The following C11orf65 variants were observed in gnomAD, a reference collection of about 807,000 sequenced individuals.
C11orf65 encodes protein MFI.
Under a neutral mutation model 35.3 loss-of-function variants are expected in C11orf65, and 38 were observed. The observed-to-expected ratio is 1.08, with a 90% CI of 0.83 to 1.41. C11orf65 has a LOEUF of 1.41. Ranked by LOEUF, C11orf65 falls within the 40% of genes most tolerant of loss-of-function variation. The pLI is 0.00. For synonymous variants in C11orf65, 105 were observed against 114.4 expected (o/e 0.92, Z 0.53); for missense variants, 370 against 367.1 (o/e 1.01, Z -0.06).
intron 3 of C11orf65, chr11:108,331,609 C>T (rs1425790126): frequency 6.9e-7 from 1 of 1,440,210 alleles, no homozygotes. Flanking sequence ...TCTATTATTA[C>T]TATATATTAT....
At chr11:108,389,800 T>C (rs2092104178) in intron 7 of C11orf65, among the ~76,000 whole-genome samples, 2 of 150,456 alleles carry the variant, frequency 1.3e-5, no homozygotes, top group Admixed American at 6.6e-5. Context: ...GTTCATGCCA[T>C]TCTCCTGCCT....
intron 2 of C11orf65, among the ~76,000 whole-genome samples, chr11:108,376,558 C>T (rs1398728198): frequency 1.3e-5 from 2 of 150,828 alleles, no homozygotes; most frequent in Non-Finnish European, 3.0e-5. Flanking sequence ...CCTAACATCA[C>T]AATTAAAAGA....
At chr11:108,313,138 T>C (rs1000288244) in intron 6 of C11orf65, among the ~76,000 whole-genome samples, 2 of 152,236 alleles carry the variant, frequency 1.3e-5, no homozygotes, top group Non-Finnish European at 2.9e-5. Context: ...TCCGTCATGT[T>C]ACAGAAACAG....
At chr11:108,387,136 TTTTCTTTC>T (rs1192514736) in intron 7 of C11orf65, among the ~76,000 whole-genome samples, 2 of 139,496 alleles carry the variant, frequency 1.4e-5, no homozygotes, top group East Asian at 2.0e-4. Flanking sequence ...TTTTCTTTTC[TTTTCTTTC>T]TTTCTTTTTT....
At position 108,384,546 on chromosome 11, in the gene C11orf65, T is replaced by C. The variant is rs533079260; in HGVS notation, c.788-1371A>G. Among the ~76,000 whole-genome samples, 188 of 152,108 alleles carry C rather than the reference T, an allele frequency of 1.2e-3. 1 individual carries two copies. The highest frequency in any genetic ancestry group is 6.8e-3 in the Middle Eastern group (2 of 294). On this transcript the variant is annotated intron_variant, in intron 8 of 8. Coordinates refer to ENST00000393084, the MANE Select transcript of C11orf65 (RefSeq NM_152587.5). ...CTCTGAATCAAGAGTCCACAATCCT[T>C]TGGGAAGCCAAGATGGGCAGATCAC...
chr11:108,450,216 T>C (rs1332902303), intron 2 of C11orf65, among the ~76,000 whole-genome samples: 1 of 151,942 alleles, frequency 6.6e-6, no homozygotes, highest in African/African-American at 2.4e-5. Context: ...ATTGTGGAAG[T>C]CAGCACGGCA....
intron 3 of C11orf65, among the ~76,000 whole-genome samples, chr11:108,408,131 CT>C (rs2092582156): frequency 1.3e-5 from 2 of 151,396 alleles, no homozygotes; most frequent in African/African-American, 4.8e-5. Context: ...ACTAAAAGGA[CT>C]TAATTTCTTA....
chr11:108,444,771 C>T (rs183110182), intron 2 of C11orf65, among the ~76,000 whole-genome samples: 2 of 152,254 alleles, frequency 1.3e-5, no homozygotes, highest in Non-Finnish European at 2.9e-5. Flanking sequence ...ACACTGGGTA[C>T]AGCGCACCGT....
At position 108,333,927 on chromosome 11, in the gene C11orf65, A is replaced by T. The variant is rs755706903; in HGVS notation, c.299+1293T>A. ...AGCAGACCAGCCAATTACTAAACTT[A>T]AGAATTTAGAAGATGTTGTTGTCCC... On this transcript the variant is annotated intron_variant, in intron 3 of 3. Transcript: ENST00000524755. 1 of 1,611,736 alleles carries T rather than the reference A, an allele frequency of 6.2e-7. No individual in the cohort carries two copies. The highest frequency in any genetic ancestry group is 8.5e-7 in the Non-Finnish European group (1 of 1,177,838).
rs2084026395 is a variant in C11orf65, at chr11:108,310,197, C to T, written c.641-1126G>A. On this transcript the variant is annotated intron_variant, in intron 6 of 6. Transcript: ENST00000525729. ...AACAATTTTTAATGATGCTTTCTGG[C>T]TGGATTTAAATTATCTAGAAGTTGC... 6.2e-7 allele frequency: 1 copy of T among 1,613,446 alleles called. No homozygotes were observed. Among genetic ancestry groups the T allele is most frequent in the Non-Finnish European group, 8.5e-7 (1 of 1,179,676 alleles).
chr11:108,446,396 C>G (rs1462095853), intron 2 of C11orf65, among the ~76,000 whole-genome samples: 1 of 151,558 alleles, frequency 6.6e-6, no homozygotes, highest in East Asian at 1.9e-4. Flanking sequence ...GGTCGGGTTA[C>G]CCACAAAGGG....
At chr11:108,467,450 G>A (rs760414714) in intron 1 of C11orf65, 21 bp downstream of exon 1, 11 of 152,266 alleles carry the variant, frequency 7.2e-5, no homozygotes, top group African/African-American at 1.7e-4. Context: ...TGAGAGAAGG[G>A]ACACTATTCC....
chr11:108,360,581 C>G (rs1359954028), intron 2 of C11orf65, among the ~76,000 whole-genome samples: 1 of 142,584 alleles, frequency 7.0e-6, no homozygotes, highest in Admixed American at 7.2e-5. Context: ...AGCAGCACAT[C>G]CAAAAGCTTA....
At chr11:108,404,664 C>T (rs1455307726) in intron 6 of C11orf65, among the ~76,000 whole-genome samples, 1 of 151,228 alleles carries the variant, frequency 6.6e-6, no homozygotes, top group African/African-American at 2.4e-5. Context: ...CTCCCGATCT[C>T]GTGATCTGCC....
chr11:108,365,889 C>T, intron 2 of C11orf65: 1 of 210,164 alleles, frequency 4.8e-6, no homozygotes, highest in South Asian at 9.7e-5. Flanking sequence ...ATTAGCCGAG[C>T]ATGGTGGCGG....
chr11:108,372,807 G>T (rs538894695), intron 2 of C11orf65, among the ~76,000 whole-genome samples: 3 of 152,006 alleles, frequency 2.0e-5, no homozygotes, highest in Non-Finnish European at 2.9e-5. Flanking sequence ...GAAAGATGCC[G>T]GGCACACATC....
intron 7 of C11orf65, among the ~76,000 whole-genome samples, chr11:108,391,427 T>G (rs1202627635): frequency 1.3e-5 from 2 of 152,208 alleles, no homozygotes; most frequent in African/African-American, 4.8e-5. Flanking sequence ...TTGCCCAGGC[T>G]GGAGTGCAAT....
chr11:108,402,895 T>A (rs1211557081), intron 6 of C11orf65, among the ~76,000 whole-genome samples: 1 of 152,242 alleles, frequency 6.6e-6, no homozygotes, highest in Non-Finnish European at 1.5e-5. Context: ...GTCCATGTCA[T>A]TCTGTCTATC....
intron 3 of C11orf65, among the ~76,000 whole-genome samples, chr11:108,418,022 C>T (rs554277491): frequency 6.7e-6 from 1 of 149,624 alleles, no homozygotes; most frequent in Admixed American, 6.6e-5. Context: ...AAATTTGAGA[C>T]CTTAAGGGAC....
Sources: allele counts gnomAD v4.1 joint callset (sites outside exome capture counted in the v4.1 genomes callset), GRCh38; gene constraint gnomAD v4.1.1; transcripts MANE v1.5; gene names NCBI Gene and HGNC (gene_info 2026-07-23, HGNC 2026-07-21).